The following ZNF385B variants were observed in gnomAD, a reference collection of about 807,000 sequenced individuals.
ZNF385B encodes the protein zinc finger protein 533.
ZNF385B carries 23 observed loss-of-function variants against 39.2 expected under a neutral mutation model. The observed-to-expected ratio is 0.59, with a 90% confidence interval of 0.42 to 0.83. The LOEUF (loss-of-function observed/expected upper bound fraction) is 0.83. ZNF385B is among the 40% of genes least tolerant of loss of function. The probability of loss-of-function intolerance (pLI) is 0.00; values close to 1 mark genes in which losing one functional copy is unlikely to be tolerated. For missense variants in ZNF385B, 552 were observed against 598.9 expected (o/e 0.92, Z 0.82); for synonymous variants, 205 against 222.6 (o/e 0.92, Z 0.70).
intron 3 of ZNF385B, among the ~76,000 whole-genome samples, chr2:179,751,854 C>T (rs1287310438): frequency 9.9e-5 from 15 of 152,098 alleles, no homozygotes; most frequent in Non-Finnish European, 2.2e-4. Context: ...TCTTCTCCCC[C>T]ATCCAAAATG....
intron 3 of ZNF385B, among the ~76,000 whole-genome samples, chr2:179,723,784 T>C (rs1700837099): frequency 6.6e-6 from 1 of 152,126 alleles, no homozygotes; most frequent in South Asian, 2.1e-4. Flanking sequence ...CTACGTAAGT[T>C]TTTATATACT....
chr2:179,493,308 GCATATGGCATGTATATGTGTA>G (rs2105662977), intron 5 of ZNF385B, among the ~76,000 whole-genome samples: 1 of 151,766 alleles, frequency 6.6e-6, no homozygotes, highest in Admixed American at 6.6e-5. Context: ...CCATATATAG[GCATATGGCATGTATATGTGTA>G]CATATGGCAT....
At chr2:179,505,887 C>T (rs973543050) in intron 5 of ZNF385B, among the ~76,000 whole-genome samples, 10 of 152,066 alleles carry the variant, frequency 6.6e-5, no homozygotes, top group African/African-American at 2.4e-4. Context: ...GTAGTTTTAA[C>T]GAATAATAAA....
At chr2:179,657,709 AAG>A (rs1333809108) in intron 3 of ZNF385B, among the ~76,000 whole-genome samples, 2 of 152,244 alleles carry the variant, frequency 1.3e-5, no homozygotes, top group Non-Finnish European at 2.9e-5. Flanking sequence ...ATAAATTAAT[AAG>A]ACAGTTGATA....
chr2:179,807,932 A>AAGAAAGAAAGAC (rs1272078879), intron 1 of ZNF385B, among the ~76,000 whole-genome samples: 2 of 148,960 alleles, frequency 1.3e-5, no homozygotes, highest in Admixed American at 1.3e-4. Context: ...GAAAGAAAGA[A>AAGAAAGAAAGAC]GGAAGGAAGG....
intron 1 of ZNF385B, among the ~76,000 whole-genome samples, chr2:179,777,342 G>A (rs1309370245): frequency 2.0e-5 from 3 of 152,036 alleles, no homozygotes; most frequent in Non-Finnish European, 4.4e-5. Flanking sequence ...AACATAAAAT[G>A]TCACAATAAT....
At chr2:179,648,073 A>G (rs1465284727) in intron 3 of ZNF385B, among the ~76,000 whole-genome samples, 4 of 152,150 alleles carry the variant, frequency 2.6e-5, no homozygotes, top group Non-Finnish European at 5.9e-5. Context: ...GAAAGTATCC[A>G]CACATGGGGG....
rs1187508828 is a variant in ZNF385B at position 179,769,558 on chromosome 2, A to G, written c.243T>C (p.Ser81=). ...GGGCGGGTGGTGGGGGCTGCCCATCACTCAGCTGCTTCACTCGTTTGCGGT... is the reference window on the plus strand; with the variant it reads ...GGGCGGGTGGTGGGGGCTGCCCATCGCTCAGCTGCTTCACTCGTTTGCGGT... ...KSHRKRVKQL[S]DGQPPPPAQA... The change falls in exon 3 of 10, where the codon AGT becomes AGC. Residue 81 remains serine, a synonymous_variant. Transcript: ENST00000410066. The G allele has an allele frequency of 6.2e-7, 1 of 1,613,914 alleles. No individual in the cohort carries two copies. Among genetic ancestry groups the G allele is most frequent in the Non-Finnish European group, 8.5e-7 (1 of 1,179,968 alleles).
In ZNF385B at chr2:179,850,375, T is replaced by C. The variant is rs192812422; in HGVS notation, c.-155+10726A>G. 1.4e-3 allele frequency among the ~76,000 whole-genome samples: 217 copies of C among 152,264 alleles called. 3 individuals carry two copies. The highest frequency in any genetic ancestry group is 5.0e-3 in the African/African-American group (208 of 41,560). On this transcript the variant is annotated intron_variant, in intron 1 of 9. Transcript: ENST00000410066. ...CACATATTTTCAGCTAGAGGGAGCA[T>C]GAAACTTCAAGGCAGCCATACCATT...
chr2:179,791,074 G>C (rs1009647673), intron 1 of ZNF385B, among the ~76,000 whole-genome samples: 1 of 152,190 alleles, frequency 6.6e-6, no homozygotes, highest in Admixed American at 6.5e-5. Context: ...CTTGGTGATT[G>C]AGTGGGAGGC....
At chr2:179,730,440 C>G (rs145017590) in intron 3 of ZNF385B, among the ~76,000 whole-genome samples, 1 of 152,170 alleles carries the variant, frequency 6.6e-6, no homozygotes, top group African/African-American at 2.4e-5. Flanking sequence ...CTCCTGTCCC[C>G]GTTTCTTCAT....
At chr2:179,496,988 G>A (rs958594085) in intron 5 of ZNF385B, among the ~76,000 whole-genome samples, 8 of 152,220 alleles carry the variant, frequency 5.3e-5, no homozygotes, top group African/African-American at 1.9e-4. Context: ...GGCAGAGGTT[G>A]CAGTGAGCTG....
intron 3 of ZNF385B, among the ~76,000 whole-genome samples, chr2:179,702,491 G>A (rs370596809): frequency 3.9e-5 from 6 of 152,118 alleles, no homozygotes; most frequent in East Asian, 1.9e-4. Flanking sequence ...AGCGATCCAC[G>A]TGCTAAACAA....
At position 179,803,776 on chromosome 2, in the gene ZNF385B, A is replaced by G. The variant is rs142423785; in HGVS notation, c.-154-33104T>C. Among the ~76,000 whole-genome samples, 462 of 152,326 alleles carry G rather than the reference A, an allele frequency of 3.0e-3. 4 individuals carry two copies. The highest frequency in any genetic ancestry group is 0.011 in the African/African-American group (444 of 41,568). On this transcript the variant is annotated intron_variant, in intron 1 of 9. Transcript: ENST00000410066. ...AAAGAGGCTCAGCCCCTTTCTTAAA[A>G]AAAAAAATACAGCCAGTAACAGAGC...
At chr2:179,470,335 C>T (rs1485861525) in intron 6 of ZNF385B, among the ~76,000 whole-genome samples, 1 of 152,170 alleles carries the variant, frequency 6.6e-6, no homozygotes, top group African/African-American at 2.4e-5. Context: ...TATGTTTTGT[C>T]ATGCATATTT....
At chr2:179,463,116 C>T (rs2051544637) in intron 6 of ZNF385B, among the ~76,000 whole-genome samples, 1 of 151,986 alleles carries the variant, frequency 6.6e-6, no homozygotes, top group African/African-American at 2.4e-5. Context: ...TATATATACA[C>T]ATCAATCAGT....
chr2:179,493,571 A>G (rs978292284), intron 5 of ZNF385B, among the ~76,000 whole-genome samples: 1 of 150,068 alleles, frequency 6.7e-6, no homozygotes, highest in Non-Finnish European at 1.5e-5. Context: ...ATATGCGTAT[A>G]CATATGTGTA....
At chr2:179,781,143 T>A (rs965138117) in intron 1 of ZNF385B, among the ~76,000 whole-genome samples, 1 of 152,208 alleles carries the variant, frequency 6.6e-6, no homozygotes, top group African/African-American at 2.4e-5. Flanking sequence ...ACTGACAACA[T>A]GATTCTGAAA....
chr2:179,545,926 T>C (rs999474025), intron 3 of ZNF385B, among the ~76,000 whole-genome samples: 3 of 152,210 alleles, frequency 2.0e-5, no homozygotes, highest in Non-Finnish European at 4.4e-5. Context: ...TTTAGTTATT[T>C]TGAAATGCAC....
Sources: allele counts gnomAD v4.1 joint callset (sites outside exome capture counted in the v4.1 genomes callset), GRCh38; gene constraint gnomAD v4.1.1; transcripts MANE v1.5; gene names NCBI Gene and HGNC (gene_info 2026-07-23, HGNC 2026-07-21).